Variants in RYR2 observed in about 807,000 individuals in gnomAD.
The protein encoded by RYR2 is cardiac muscle ryanodine receptor-calcium release channel.
In RYR2, 227 loss-of-function variants were observed where a neutral mutation model predicts 601.1. The observed-to-expected ratio is 0.38, with a 90% CI of 0.34 to 0.42. RYR2 has a LOEUF of 0.42. Ranked by LOEUF, RYR2 falls within the 10% of genes least tolerant of loss-of-function variation. The probability of loss-of-function intolerance (pLI) is 1.00; values close to 1 mark genes in which losing one functional copy is unlikely to be tolerated. For missense variants in RYR2, 4,646 were observed against 6,156.5 expected, an observed-to-expected ratio of 0.75 and a Z score of 8.21; for synonymous variants, 2,223 against 2,175.1, an observed-to-expected ratio of 1.02 and a Z score of -0.61.
intron 24 of RYR2, among the ~76,000 whole-genome samples, chr1:237,525,698 G>A (rs115508235): frequency 0.014 from 2,141 of 152,120 alleles, 29 homozygotes; most frequent in Middle Eastern, 0.051. Context: ...ATGATTTCTT[G>A]GACAGATGCG....
intron 17 of RYR2, among the ~76,000 whole-genome samples, chr1:237,479,396 T>C (rs1661777599): frequency 6.6e-6 from 1 of 152,354 alleles, no homozygotes; most frequent in African/African-American, 2.4e-5. Flanking sequence ...TCTATGCACC[T>C]TTATTTGTTT....
chr1:237,477,385 G>C (rs187008256), intron 17 of RYR2, among the ~76,000 whole-genome samples: 1 of 151,990 alleles, frequency 6.6e-6, no homozygotes. Flanking sequence ...GTAAGACTCC[G>C]TCTCAAAAAA....
chr1:237,212,608 A>C (rs1428401835), intron 1 of RYR2, among the ~76,000 whole-genome samples: 4 of 152,190 alleles, frequency 2.6e-5, no homozygotes, highest in Non-Finnish European at 4.4e-5. Flanking sequence ...CTTTTGTTAC[A>C]AAATGAAAAG....
At position 237,148,553 on chromosome 1, in the gene RYR2, T is replaced by TACAC. The variant is rs1157417005; in HGVS notation, c.48+105992_48+105995dup. On this transcript the variant is annotated intron_variant, in intron 1 of 104. Coordinates refer to ENST00000366574, the MANE Select transcript of RYR2 (RefSeq NM_001035.3). Reference sequence around the variant, plus strand: ...ATATATATATATATATATATATATATACACACACACATATATATATATATA... The same window carrying TACAC: ...ATATATATATATATATATATATATATACACACACACACACATATATATATATATA... 4.0e-4 allele frequency among the ~76,000 whole-genome samples: 42 copies of TACAC among 105,672 alleles called. 1 individual carries two copies. Among genetic ancestry groups the TACAC allele is most frequent in the African/African-American group, 9.6e-4 (24 of 25,020 alleles). The allele number at this position is 105,672 out of a possible 152,430, so 69.3% of individuals were successfully genotyped here. A position where few individuals can be genotyped will look rare whatever the true frequency, so the allele number is the denominator to read the frequency against.
rs765106198 is a variant in RYR2, at chr1:237,614,407, G to C, written c.5279G>C (p.Arg1760Pro). The C allele has an allele frequency of 1.1e-5, 18 of 1,613,850 alleles. No individual in the cohort carries two copies. Among genetic ancestry groups the C allele is most frequent in the Non-Finnish European group, 1.5e-5 (18 of 1,179,886 alleles). Residue 1760 changes from arginine (R) to proline (P), a missense_variant, in exon 37 of 105, where the codon CGG (arginine) becomes CCG (proline). Transcript: ENST00000366574. The surrounding 1 kb of genome is among the most constrained non-coding windows in gnomAD (Gnocchi z 4.3). The stretch of plus-strand genomic sequence containing the variant: ...GGCCTCAGCACCTCCCTCAGGCCAC[G>C]GATGCAGTTTTCCTCCCCCAGTTTT... ...GIGLSTSLRP[R>P]MQFSSPSFVS...
intron 1 of RYR2, among the ~76,000 whole-genome samples, chr1:237,125,536 C>A (rs1671317567): frequency 6.6e-6 from 1 of 151,890 alleles, no homozygotes; most frequent in Admixed American, 6.6e-5. Context: ...AGGATGCCTT[C>A]ATTTTGGAGA....
chr1:237,102,292 T>A (rs907088817), intron 1 of RYR2, among the ~76,000 whole-genome samples: 1 of 152,164 alleles, frequency 6.6e-6, no homozygotes, highest in Non-Finnish European at 1.5e-5. Context: ...GGCGAGGTGC[T>A]GGTGAGGGTG....
chr1:237,582,960 G>A lies in RYR2; in HGVS notation c.3599-6833G>A, dbSNP rs548751657. On this transcript the variant is annotated intron_variant, in intron 29 of 104. Transcript: ENST00000366574. Reference sequence around the variant, plus strand: ...TATATACCCAGTAATGGGATTGCTAGGTTGAATGGTAGTTCTGTTTTAAGT... The same window carrying A: ...TATATACCCAGTAATGGGATTGCTAAGTTGAATGGTAGTTCTGTTTTAAGT... Among the ~76,000 whole-genome samples the A allele has an allele frequency of 1.1e-4, 17 of 148,714 alleles. No homozygotes were observed. The East Asian group carries it at 3.4e-3, about 30-fold the overall frequency.
chr1:237,272,604 G>A (rs994932229), intron 2 of RYR2, among the ~76,000 whole-genome samples: 5 of 148,152 alleles, frequency 3.4e-5, no homozygotes, highest in African/African-American at 2.5e-5. Flanking sequence ...TTATAATTAT[G>A]CTTAATATAT....
intron 17 of RYR2, among the ~76,000 whole-genome samples, chr1:237,475,048 T>C (rs1661248473): frequency 6.6e-6 from 1 of 152,248 alleles, no homozygotes; most frequent in African/African-American, 2.4e-5. Context: ...TAAACGTGTG[T>C]ATGCCAGATA....
intron 2 of RYR2, among the ~76,000 whole-genome samples, chr1:237,277,376 G>C (rs761281818): frequency 1.3e-5 from 2 of 152,172 alleles, no homozygotes; most frequent in African/African-American, 4.8e-5. Context: ...TGCAATACAT[G>C]CCTGTGTTGG....
chr1:237,231,993 T>C (rs7552374), intron 1 of RYR2, among the ~76,000 whole-genome samples: 6,087 of 152,288 alleles, frequency 0.04, 341 homozygotes, highest in East Asian at 0.23. Context: ...CAGTATTCTT[T>C]AGCGTTTTTC....
intron 37 of RYR2, among the ~76,000 whole-genome samples, chr1:237,615,878 T>C (rs1678408130): frequency 6.6e-6 from 1 of 152,210 alleles, no homozygotes; most frequent in Non-Finnish European, 1.5e-5. Context: ...GATTTTGACT[T>C]TTAAGCTGAG....
At chr1:237,631,905 T>A (rs567228580) in intron 42 of RYR2, among the ~76,000 whole-genome samples, 1 of 151,886 alleles carries the variant, frequency 6.6e-6, no homozygotes, top group African/African-American at 2.4e-5. Flanking sequence ...AGTGCTGGGA[T>A]TACAGGCGTG....
chr1:237,186,730 T>A (rs1290125887), intron 1 of RYR2, among the ~76,000 whole-genome samples: 1 of 152,202 alleles, frequency 6.6e-6, no homozygotes, highest in Non-Finnish European at 1.5e-5. Context: ...AATCCCATCA[T>A]CTTGATTGAC....
At chr1:237,072,193 A>C (rs771754433) in intron 1 of RYR2, among the ~76,000 whole-genome samples, 2 of 152,204 alleles carry the variant, frequency 1.3e-5, no homozygotes, top group African/African-American at 4.8e-5. Flanking sequence ...CTCCGGCTCC[A>C]TGGGGCATGC....
chr1:237,249,138 T>G (rs908412280), intron 1 of RYR2, among the ~76,000 whole-genome samples: 1 of 152,222 alleles, frequency 6.6e-6, no homozygotes, highest in African/African-American at 2.4e-5. Flanking sequence ...CAGCTGAGTT[T>G]AAATAACTAG....
At chr1:237,528,751 G>C (rs2805445) in intron 24 of RYR2, among the ~76,000 whole-genome samples, 76,294 of 151,868 alleles carry the variant, frequency 0.5, 19,348 homozygotes, top group East Asian at 0.6. Context: ...ATGTGACTTT[G>C]TCTCTCGGTC....
intron 1 of RYR2, among the ~76,000 whole-genome samples, chr1:237,183,678 G>T (rs777481452): frequency 6.6e-6 from 1 of 152,216 alleles, no homozygotes; most frequent in Non-Finnish European, 1.5e-5. Context: ...GTAAAATGTT[G>T]CAGTGGAGAG....
Sources: allele counts gnomAD v4.1 joint callset (sites outside exome capture counted in the v4.1 genomes callset), GRCh38; gene constraint gnomAD v4.1.1; non-coding constraint Gnocchi (gnomAD v3.1); transcripts MANE v1.5; gene names NCBI Gene and HGNC (gene_info 2026-07-23, HGNC 2026-07-21).